Variants in STEAP3 observed in about 807,000 individuals in gnomAD.
The protein encoded by STEAP3 is metalloreductase STEAP3.
STEAP3 carries 35 observed loss-of-function variants against 34.9 expected under a neutral mutation model. The ratio of observed to expected loss-of-function variants is 1.00; its 90% CI spans 0.76 to 1.33. The LOEUF (loss-of-function observed/expected upper bound fraction) is 1.33, where lower values mean the gene tolerates loss of function less well. Ranked by LOEUF, STEAP3 falls within the 40% of genes most tolerant of loss-of-function variation. The pLI is 0.00. For synonymous variants in STEAP3, 281 were observed against 301.6 expected, an observed-to-expected ratio of 0.93 and a Z score of 0.71; for missense variants, 652 against 667.6, an observed-to-expected ratio of 0.98 and a Z score of 0.26.
chr2:119,245,281 C>A, intron 2 of STEAP3: 1 of 622,826 alleles, frequency 1.6e-6, no homozygotes, highest in South Asian at 2.9e-5. Context: ...GAAGTCATCC[C>A]TGCTCTTCCT....
chr2:119,246,254 G>T lies in STEAP3; in HGVS notation c.522+266G>T, dbSNP rs1281854018. The T allele has an allele frequency of 3.1e-5, 14 of 456,646 alleles. No individual in the cohort carries two copies. In the Admixed American group the frequency reaches 5.1e-4, roughly 17 times the overall value. The allele number at this position is 456,646 out of a possible 1,614,324, so 28.3% of individuals were successfully genotyped here. ...TGCTATGGTAACAGGGTTTCCTAGAGGGCAAGGAGGAAAAGGTTGATGGCT... is the reference window on the plus strand; with the variant it reads ...TGCTATGGTAACAGGGTTTCCTAGATGGCAAGGAGGAAAAGGTTGATGGCT... On this transcript the variant is annotated intron_variant, in intron 3 of 5. Coordinates refer to ENST00000393110, the MANE Select transcript of STEAP3 (RefSeq NM_182915.3).
At position 119,230,812 on chromosome 2, in the gene STEAP3, C is replaced by A; in HGVS notation, c.-201C>A. On this transcript the variant is annotated 5_prime_UTR_variant, in exon 2 of 6. Coordinates refer to ENST00000393110, the MANE Select transcript of STEAP3 (RefSeq NM_182915.3). ...GCATCAGTCACCACTCCCGGTCCAG[C>A]CCCTGTGGCCAAGAGCTGGCGTGCA... The A allele has an allele frequency of 3.0e-6, 2 of 661,826 alleles. No homozygotes were observed. The highest frequency in any genetic ancestry group is 5.4e-6 in the Non-Finnish European group (2 of 369,918). 41.0% of individuals were successfully genotyped at this position (661,826 alleles called of 1,614,324 possible).
chr2:119,259,943 G>T (rs1013948525), intron 5 of STEAP3, among the ~76,000 whole-genome samples: 4 of 152,176 alleles, frequency 2.6e-5, no homozygotes, highest in African/African-American at 7.2e-5. Context: ...AAGCTAGAAG[G>T]GTGTGGTGAC....
intron 5 of STEAP3, among the ~76,000 whole-genome samples, chr2:119,260,972 T>C (rs1018633523): frequency 2.0e-5 from 3 of 152,232 alleles, no homozygotes; most frequent in Admixed American, 6.5e-5. Context: ...TTGGTTATTT[T>C]ACTTGGGCCC....
intron 1 of STEAP3, 125 bp downstream of exon 1, chr2:119,224,013 A>G (rs971015681): frequency 6.6e-6 from 1 of 152,104 alleles, no homozygotes; most frequent in Non-Finnish European, 1.5e-5. Context: ...TCTGGAGGCG[A>G]CTTCTGTCCC....
intron 5 of STEAP3, among the ~76,000 whole-genome samples, chr2:119,260,746 T>C (rs1677918927): frequency 1.3e-5 from 2 of 152,230 alleles, no homozygotes; most frequent in African/African-American, 4.8e-5. Flanking sequence ...AAGGATTTGC[T>C]TATGTGCAAC....
At chr2:119,252,466 G>T (rs1467602890) in intron 4 of STEAP3, among the ~76,000 whole-genome samples, 1 of 152,202 alleles carries the variant, frequency 6.6e-6, no homozygotes, top group African/African-American at 2.4e-5. Flanking sequence ...ACATGGAGAG[G>T]GGCTAATGCT....
intron 5 of STEAP3, chr2:119,257,384 C>T: frequency 7.2e-7 from 1 of 1,394,288 alleles, no homozygotes; most frequent in Non-Finnish European, 9.3e-7. Flanking sequence ...TCCGTGGACT[C>T]AGATGCTGAG....
In STEAP3 at chr2:119,263,624, T is replaced by C; in HGVS notation, c.*286T>C. On this transcript the variant is annotated 3_prime_UTR_variant, in exon 6 of 6. Transcript: ENST00000393110. ...TTCAACTTGTAGATTTAAAAACAAGTGCCGTACGTTAAGAGAAGAGCAGAT... is the reference window on the plus strand; with the variant it reads ...TTCAACTTGTAGATTTAAAAACAAGCGCCGTACGTTAAGAGAAGAGCAGAT... 2.0e-6 allele frequency: 1 copy of C among 505,364 alleles called. No homozygotes were observed. Among genetic ancestry groups the C allele is most frequent in the Admixed American group, 3.2e-5 (1 of 31,142 alleles). 31.3% of individuals were successfully genotyped at this position (505,364 alleles called of 1,614,324 possible).
chr2:119,254,548 G>A, intron 4 of STEAP3, 136 bp from the exon 5 acceptor site: 4 of 932,372 alleles, frequency 4.3e-6, no homozygotes, highest in Non-Finnish European at 5.0e-6. Context: ...CCTGAGAAAC[G>A]CTTATCACAG....
intron 2 of STEAP3, among the ~76,000 whole-genome samples, chr2:119,243,000 A>G (rs1677294445): frequency 6.6e-6 from 1 of 152,138 alleles, no homozygotes; most frequent in Admixed American, 6.5e-5. Context: ...CAGGCAGAAA[A>G]TACTGTCTCC....
chr2:119,223,947 G>T (rs2289894), intron 1 of STEAP3, 59 bp downstream of exon 1: 55,735 of 152,160 alleles, frequency 0.37, 10,815 homozygotes, highest in Non-Finnish European at 0.45. Context: ...TCCCCGAGAC[G>T]CCCGCCCGGT....
intron 5 of STEAP3, 51 bp downstream of exon 5, chr2:119,254,899 C>A (rs1217045264): frequency 1.9e-6 from 3 of 1,585,438 alleles, no homozygotes; most frequent in Non-Finnish European, 1.7e-6. Context: ...CCTGGCCCAC[C>A]TCTCATGAGT....
chr2:119,232,322 C>A (rs1164963742), intron 2 of STEAP3, among the ~76,000 whole-genome samples: 2 of 152,174 alleles, frequency 1.3e-5, no homozygotes, highest in African/African-American at 2.4e-5. Context: ...CCTGACTGGG[C>A]CTCAGTTTTC....
intron 5 of STEAP3, chr2:119,257,391 T>C: frequency 7.1e-7 from 1 of 1,402,120 alleles, no homozygotes; most frequent in Non-Finnish European, 9.3e-7. Context: ...ACTCAGATGC[T>C]GAGGGATGGC....
chr2:119,252,845 T>A (rs984377735), intron 4 of STEAP3, among the ~76,000 whole-genome samples: 43 of 151,640 alleles, frequency 2.8e-4, no homozygotes, highest in African/African-American at 1.0e-3. Flanking sequence ...AGACTGGAAA[T>A]GTTAGAGGAA....
rs1376348435 is a variant in STEAP3 at position 119,248,216 on chromosome 2, C to A, written c.1050+10C>A. ...CCTGGCAGTCAAGCAGGTACCCACCCCATGCCCTTCCTCCCTCTGGCAACT... is the reference window on the plus strand; with the variant it reads ...CCTGGCAGTCAAGCAGGTACCCACCACATGCCCTTCCTCCCTCTGGCAACT... On this transcript the variant is annotated intron_variant, in intron 4 of 5. Transcript: ENST00000393110. 1 of 1,563,760 alleles carries A rather than the reference C, an allele frequency of 6.4e-7. No individual in the cohort carries two copies. The highest frequency in any genetic ancestry group is 8.7e-7 in the Non-Finnish European group (1 of 1,153,520).
chr2:119,254,381 C>T (rs1677713084), intron 4 of STEAP3, among the ~76,000 whole-genome samples: 1 of 152,132 alleles, frequency 6.6e-6, no homozygotes, highest in Admixed American at 6.5e-5. Context: ...TCATTGGCAC[C>T]AGGCTGAGTG....
At chr2:119,230,175 C>T (rs959137335) in intron 1 of STEAP3, among the ~76,000 whole-genome samples, 13 of 152,216 alleles carry the variant, frequency 8.5e-5, no homozygotes. Flanking sequence ...TAAGAATGGG[C>T]TTGCACATAA....
Sources: allele counts gnomAD v4.1 joint callset (sites outside exome capture counted in the v4.1 genomes callset), GRCh38; gene constraint gnomAD v4.1.1; transcripts MANE v1.5; gene names NCBI Gene and HGNC (gene_info 2026-07-23, HGNC 2026-07-21).